HIBADH: variants seen among roughly 807,000 people sequenced by gnomAD.
The protein encoded by HIBADH is 3-hydroxyisobutyrate dehydrogenase.
A neutral mutation model predicts 36.1 loss-of-function variants in HIBADH; 25 were observed. That is an observed-to-expected ratio of 0.69 (90% CI 0.50 to 0.97). The LOEUF (loss-of-function observed/expected upper bound fraction) is 0.97, where lower values mean the gene tolerates loss of function less well. Among genes scored for constraint, HIBADH ranks in the 50% least tolerant of loss-of-function variants. HIBADH has a pLI of 0.00. For missense variants in HIBADH, 421 were observed against 418.0 expected, an observed-to-expected ratio of 1.01 and a Z score of -0.06; for synonymous variants, 160 against 149.5, an observed-to-expected ratio of 1.07 and a Z score of -0.51.
At chr7:27,640,141 T>C (rs1013160151) in intron 2 of HIBADH, among the ~76,000 whole-genome samples, 2 of 152,236 alleles carry the variant, frequency 1.3e-5, no homozygotes, top group Non-Finnish European at 1.5e-5. Flanking sequence ...TTCCTGGAAT[T>C]TGGAATACAA....
chr7:27,554,994 C>T (rs1398611974), intron 4 of HIBADH, among the ~76,000 whole-genome samples: 2 of 152,150 alleles, frequency 1.3e-5, no homozygotes, highest in African/African-American at 4.8e-5. Context: ...GGTGCATTAA[C>T]ATAACATTAA....
intron 4 of HIBADH, among the ~76,000 whole-genome samples, chr7:27,616,420 G>A (rs895886268): frequency 6.6e-6 from 1 of 152,142 alleles, no homozygotes; most frequent in African/African-American, 2.4e-5. Context: ...GAAGGCTTAG[G>A]AAAGGCCCAG....
intron 1 of HIBADH, among the ~76,000 whole-genome samples, chr7:27,655,263 C>T (rs1786277678): frequency 6.6e-6 from 1 of 152,066 alleles, no homozygotes; most frequent in African/African-American, 2.4e-5. Flanking sequence ...GCAAATTGTA[C>T]ATTAGATGAT....
At chr7:27,652,197 A>C (rs1159979016) in intron 1 of HIBADH, among the ~76,000 whole-genome samples, 3 of 152,242 alleles carry the variant, frequency 2.0e-5, no homozygotes, top group Non-Finnish European at 4.4e-5. Context: ...TGTAATGCCA[A>C]GATTCAAATC....
intron 4 of HIBADH, among the ~76,000 whole-genome samples, chr7:27,546,275 TTTG>T (rs944021692): frequency 6.6e-6 from 1 of 151,818 alleles, no homozygotes; most frequent in Non-Finnish European, 1.5e-5. Flanking sequence ...GCTATTTGTT[TTTG>T]TTGTTGTTGT....
chr7:27,550,824 T>C lies in HIBADH; in HGVS notation c.485-7724A>G, dbSNP rs138293201. The stretch of plus-strand genomic sequence containing the variant: ...TGATAAATGTTAATTTTCTTCTTAG[T>C]AGGCAGGCAGATATCAATGGCTAAT... On this transcript the variant is annotated intron_variant, in intron 4 of 7. Coordinates refer to ENST00000265395, the MANE Select transcript of HIBADH (RefSeq NM_152740.4). Among the ~76,000 whole-genome samples, 12 of 152,308 alleles carry C rather than the reference T, an allele frequency of 7.9e-5. No homozygotes were observed. The East Asian group carries it at 2.3e-3, about 29-fold the overall frequency.
chr7:27,619,510 T>C (rs971122175), intron 4 of HIBADH, among the ~76,000 whole-genome samples: 1 of 152,228 alleles, frequency 6.6e-6, no homozygotes, highest in African/African-American at 2.4e-5. Context: ...AAAATATTGA[T>C]TTTAAAGAAG....
chr7:27,650,775 A>T (rs561794089), intron 1 of HIBADH, among the ~76,000 whole-genome samples: 5 of 151,460 alleles, frequency 3.3e-5, no homozygotes, highest in African/African-American at 1.2e-4. Context: ...TATTTTTCAT[A>T]TAAGACTTTT....
intron 6 of HIBADH, among the ~76,000 whole-genome samples, chr7:27,536,392 A>G (rs1784070341): frequency 6.6e-6 from 1 of 151,134 alleles, no homozygotes; most frequent in Non-Finnish European, 1.5e-5. Context: ...TTTAGAATAT[A>G]TTTTATGTTA....
chr7:27,659,418 G>A (rs1334190741), intron 1 of HIBADH, among the ~76,000 whole-genome samples: 1 of 152,082 alleles, frequency 6.6e-6, no homozygotes, highest in Non-Finnish European at 1.5e-5. Context: ...AATGCTTTAA[G>A]TATTTTAAAA....
chr7:27,532,310 G>A (rs1427343600), intron 6 of HIBADH, among the ~76,000 whole-genome samples: 1 of 152,086 alleles, frequency 6.6e-6, no homozygotes, highest in Non-Finnish European at 1.5e-5. Flanking sequence ...TGAAACAATT[G>A]TCATAAAAGC....
chr7:27,614,479 T>C (rs891422281), intron 4 of HIBADH, among the ~76,000 whole-genome samples: 14 of 152,222 alleles, frequency 9.2e-5, no homozygotes, highest in Admixed American at 2.6e-4. Context: ...GATTCTTGAT[T>C]CAACCAACCA....
rs146779994 is a variant in HIBADH, at chr7:27,622,533, T to C, written c.484+6838A>G. Among the ~76,000 whole-genome samples, 57 of 152,106 alleles carry C rather than the reference T, an allele frequency of 3.7e-4. 1 individual carries two copies. Among genetic ancestry groups the C allele is most frequent in the African/African-American group, 1.3e-3 (56 of 41,532 alleles). ...AAAGATAAATAAAATTGATAAACCA[T>C]TGGCTAGTTTAACCAGGAAAAGAAG... On this transcript the variant is annotated intron_variant, in intron 4 of 7. Coordinates refer to ENST00000265395, the MANE Select transcript of HIBADH (RefSeq NM_152740.4).
At position 27,577,859 on chromosome 7, in the gene HIBADH, A is replaced by G. The variant is rs556341789; in HGVS notation, c.485-34759T>C. Among the ~76,000 whole-genome samples, 15 of 152,298 alleles carry G rather than the reference A, an allele frequency of 9.8e-5. No homozygotes were observed. In the South Asian group the frequency reaches 2.3e-3, roughly 23 times the overall value. On this transcript the variant is annotated intron_variant, in intron 4 of 7. Coordinates refer to ENST00000265395, the MANE Select transcript of HIBADH (RefSeq NM_152740.4). Reference sequence around the variant, plus strand: ...CAGAACACATGGGTGTGGAGTGCCAATTGTTTCTGTAATGATTTAATATAG... The same window carrying G: ...CAGAACACATGGGTGTGGAGTGCCAGTTGTTTCTGTAATGATTTAATATAG...
chr7:27,599,368 T>C (rs2128290027), intron 4 of HIBADH, among the ~76,000 whole-genome samples: 1 of 152,326 alleles, frequency 6.6e-6, no homozygotes, highest in South Asian at 2.1e-4. Context: ...AAATCCTTTG[T>C]ATTTCAATTT....
intron 6 of HIBADH, among the ~76,000 whole-genome samples, chr7:27,532,062 TAAAAC>T (rs554016707): frequency 2.9e-4 from 44 of 152,162 alleles, no homozygotes; most frequent in Non-Finnish European, 4.7e-4. Flanking sequence ...CTGATCCTGA[TAAAAC>T]AAAGCTTGCC....
chr7:27,655,065 T>C (rs1786272631), intron 1 of HIBADH, among the ~76,000 whole-genome samples: 2 of 152,192 alleles, frequency 1.3e-5, no homozygotes, highest in African/African-American at 2.4e-5. Context: ...TATGTACAAC[T>C]TATCATATAT....
At chr7:27,620,901 A>G (rs1351472076) in intron 4 of HIBADH, among the ~76,000 whole-genome samples, 3 of 152,146 alleles carry the variant, frequency 2.0e-5, no homozygotes, top group Non-Finnish European at 4.4e-5. Context: ...GATAGTAACT[A>G]AACAGATTAA....
intron 4 of HIBADH, among the ~76,000 whole-genome samples, chr7:27,576,951 C>T (rs1784719453): frequency 6.6e-6 from 1 of 152,136 alleles, no homozygotes; most frequent in Admixed American, 6.5e-5. Flanking sequence ...ACACTGAAAA[C>T]ATACTTGATT....
Sources: allele counts gnomAD v4.1 joint callset (sites outside exome capture counted in the v4.1 genomes callset), GRCh38; gene constraint gnomAD v4.1.1; transcripts MANE v1.5; gene names NCBI Gene and HGNC (gene_info 2026-07-23, HGNC 2026-07-21).